The following FAT3 variants were observed in gnomAD, a reference collection of about 807,000 sequenced individuals.
FAT3 encodes the protein FAT atypical cadherin 3, also known as protocadherin Fat 3.
In FAT3, 95 loss-of-function variants were observed where a neutral mutation model predicts 310.2. That is an observed-to-expected ratio of 0.31 (90% CI 0.26 to 0.36). The LOEUF (loss-of-function observed/expected upper bound fraction) is 0.36, where lower values mean the gene tolerates loss of function less well. Ranked by LOEUF, FAT3 falls within the 10% of genes least tolerant of loss-of-function variation. The pLI, the probability that FAT3 is intolerant of heterozygous loss-of-function variation, is 1.00. For missense variants in FAT3, 5,408 were observed against 5,715.6 expected, an observed-to-expected ratio of 0.95 and a Z score of 1.74; for synonymous variants, 2,314 against 2,192.9, an observed-to-expected ratio of 1.06 and a Z score of -1.54.
Position 92,893,431 on chromosome 11 carries a change from G to C in FAT3, c.*2318G>C, listed in dbSNP as rs1055770086. ...GAATAGAGTGACTGCTACACTTTAA[G>C]TAATGCAATGACATAAAAACCATCA... On this transcript the variant is annotated 3_prime_UTR_variant, in exon 28 of 28. Transcript: ENST00000525166. The C allele has an allele frequency of 1.3e-5, 2 of 152,164 alleles. No homozygotes were observed. The highest frequency in any genetic ancestry group is 1.3e-4 in the Admixed American group (2 of 15,280). 9.4% of individuals were successfully genotyped at this position (152,164 alleles called of 1,614,324 possible).
At chr11:92,806,957 G>A (rs1223822936) in intron 12 of FAT3, among the ~76,000 whole-genome samples, 1 of 152,158 alleles carries the variant, frequency 6.6e-6, no homozygotes, top group Non-Finnish European at 1.5e-5. Context: ...TGAACTGACT[G>A]TGAACAAAGG....
chr11:92,579,908 ACT>A (rs1468728657), intron 3 of FAT3, among the ~76,000 whole-genome samples: 2 of 152,048 alleles, frequency 1.3e-5, no homozygotes, highest in African/African-American at 4.8e-5. Flanking sequence ...GTAATTATAT[ACT>A]CTCTGAATAT....
chr11:92,656,972 G>A (rs551469915), intron 3 of FAT3, among the ~76,000 whole-genome samples: 3 of 152,230 alleles, frequency 2.0e-5, no homozygotes, highest in East Asian at 3.9e-4. Flanking sequence ...GGGAGGGGGT[G>A]CAGGGGTAAG....
chr11:92,743,987 C>G (rs1371467604), intron 4 of FAT3, among the ~76,000 whole-genome samples: 1 of 152,196 alleles, frequency 6.6e-6, no homozygotes, highest in African/African-American at 2.4e-5. Flanking sequence ...GCCTCTATAA[C>G]TGTAAGAAGC....
chr11:92,787,021 G>GT lies in FAT3; in HGVS notation c.4336-2921dup, dbSNP rs577338543. ...TCTTGCGGGGGCTGTCCTGTGCATT[G>GT]TAGGATGTTTAGCGGCATCCCTGGC... is the stretch of plus-strand genomic sequence containing the variant. On this transcript the variant is annotated intron_variant, in intron 7 of 27. Coordinates refer to ENST00000525166, the MANE Select transcript of FAT3 (RefSeq NM_001367949.2). 7.0e-3 allele frequency among the ~76,000 whole-genome samples: 1,060 copies of GT among 152,276 alleles called. 2 individuals are homozygous for GT. Among genetic ancestry groups the GT allele is most frequent in the Middle Eastern group, 0.014 (4 of 294 alleles).
intron 3 of FAT3, among the ~76,000 whole-genome samples, chr11:92,598,077 T>C (rs1318742939): frequency 6.6e-6 from 1 of 151,986 alleles, no homozygotes; most frequent in East Asian, 1.9e-4. Context: ...TGATTTTGTC[T>C]GTACCAGGTG....
At chr11:92,514,366 A>G (rs1170849270) in intron 2 of FAT3, among the ~76,000 whole-genome samples, 1 of 152,220 alleles carries the variant, frequency 6.6e-6, no homozygotes, top group Non-Finnish European at 1.5e-5. Context: ...AACAAAGAAC[A>G]TAAAAAATCC....
intron 3 of FAT3, among the ~76,000 whole-genome samples, chr11:92,551,484 A>C (rs573963909): frequency 6.8e-6 from 1 of 147,660 alleles, no homozygotes; most frequent in South Asian, 2.1e-4. Context: ...CTTCTGCTGA[A>C]ATTTGGATTA....
chr11:92,756,599 A>G (rs758899005), intron 4 of FAT3, among the ~76,000 whole-genome samples: 1 of 152,162 alleles, frequency 6.6e-6, no homozygotes, highest in Non-Finnish European at 1.5e-5. Flanking sequence ...CACTCTTGTA[A>G]TCACTGGGAA....
chr11:92,360,545 G>A (rs768852124), intron 2 of FAT3, among the ~76,000 whole-genome samples: 5 of 152,172 alleles, frequency 3.3e-5, no homozygotes, highest in Non-Finnish European at 7.4e-5. Context: ...ATTTTAGAAA[G>A]AGCACAGTAT....
rs1947232988 is a variant in FAT3 at position 92,798,364 on chromosome 11, T to A, written c.5351T>A (p.Ile1784Asn). The change falls in exon 10 of 28, where the codon ATT becomes AAT. Residue 1784 changes from isoleucine to asparagine, a missense_variant. Physicochemically the swap from Ile to Asn is moderately radical, Grantham distance 149 (BLOSUM62 -3). This residue lies in a region of FAT3 where 4,588 missense variants were observed against 4,809.8 expected (regional missense o/e 0.95). Coordinates refer to ENST00000525166, the MANE Select transcript of FAT3 (RefSeq NM_001367949.2). Reference protein sequence around the residue: ...YSGSLSEAAPINSIVRSLDNS... With the variant: ...YSGSLSEAAPNNSIVRSLDNS... ...GGCAGCCTAAGTGAGGCTGCCCCAA[T>A]TAATAGCATTGTCAGGAGCTTGGAT... is the stretch of plus-strand genomic sequence containing the variant. 6.2e-7 allele frequency: 1 copy of A among 1,613,524 alleles called. No homozygotes were observed. The highest frequency in any genetic ancestry group is 1.3e-5 in the African/African-American group (1 of 75,024).
chr11:92,568,843 T>C (rs1263376890), intron 3 of FAT3, among the ~76,000 whole-genome samples: 1 of 152,168 alleles, frequency 6.6e-6, no homozygotes, highest in Non-Finnish European at 1.5e-5. Flanking sequence ...AGACAGGTAC[T>C]CACAGTGTGC....
intron 3 of FAT3, among the ~76,000 whole-genome samples, chr11:92,648,005 G>T (rs1437534796): frequency 1.3e-5 from 2 of 152,274 alleles, no homozygotes; most frequent in East Asian, 3.9e-4. Flanking sequence ...ATCTGTTAGG[G>T]ATAGAAGAGC....
intron 15 of FAT3, 72 bp from the exon 16 acceptor site, chr11:92,836,494 C>G: frequency 1.3e-6 from 2 of 1,565,328 alleles, no homozygotes; most frequent in Non-Finnish European, 8.7e-7. Flanking sequence ...TTAAACAGAC[C>G]TGGGACCCTA....
intron 25 of FAT3, among the ~76,000 whole-genome samples, chr11:92,888,510 G>A (rs1949845854): frequency 6.6e-6 from 1 of 152,192 alleles, no homozygotes; most frequent in Admixed American, 6.5e-5. Flanking sequence ...GGCAGGTGGT[G>A]TTAGGAACTT....
intron 14 of FAT3, 37 bp from the exon 15 acceptor site, chr11:92,834,833 C>T (rs1159600105): frequency 2.0e-6 from 3 of 1,505,538 alleles, no homozygotes; most frequent in Admixed American, 4.1e-5. Flanking sequence ...AGTGTTTTTT[C>T]CTAATGAAAT....
chr11:92,515,677 G>T (rs1953457248), intron 2 of FAT3, among the ~76,000 whole-genome samples: 1 of 152,042 alleles, frequency 6.6e-6, no homozygotes, highest in Non-Finnish European at 1.5e-5. Flanking sequence ...TCTGTCAAAT[G>T]GGGATAAATA....
At chr11:92,256,148 C>T (rs1229064389) in intron 1 of FAT3, among the ~76,000 whole-genome samples, 1 of 151,986 alleles carries the variant, frequency 6.6e-6, no homozygotes, top group Non-Finnish European at 1.5e-5. Context: ...CTGTTTTTTT[C>T]AGCTCTCCTT....
At chr11:92,738,879 C>A (rs952532521) in intron 4 of FAT3, among the ~76,000 whole-genome samples, 1 of 152,028 alleles carries the variant, frequency 6.6e-6, no homozygotes, top group African/African-American at 2.4e-5. Flanking sequence ...CTAGTCAAGT[C>A]GTTGGGAAAA....
Sources: gnomAD v4.1 joint callset for allele counts (sites outside exome capture counted in the v4.1 genomes callset) on GRCh38, gnomAD v4.1.1 for gene constraint, gnomAD v4.1.1 regional missense constraint, MANE v1.5 for transcripts, NCBI Gene and HGNC (gene_info 2026-07-23, HGNC 2026-07-21) for gene names.